The following ANKRD13C variants were observed in gnomAD, a reference collection of about 807,000 sequenced individuals.
The protein encoded by ANKRD13C is ankyrin repeat domain-containing protein 13C.
A neutral mutation model predicts 65.5 loss-of-function variants in ANKRD13C; 16 were observed. The ratio of observed to expected loss-of-function variants is 0.24; its 90% CI spans 0.17 to 0.37. The LOEUF (loss-of-function observed/expected upper bound fraction) is 0.37, where lower values mean the gene tolerates loss of function less well. ANKRD13C is among the 10% of genes least tolerant of loss of function. ANKRD13C has a pLI of 1.00. For missense variants in ANKRD13C, 503 were observed against 655.9 expected (o/e 0.77, Z 2.55); for synonymous variants, 235 against 238.7 (o/e 0.98, Z 0.14).
In ANKRD13C at chr1:70,274,487, AAAAAAAAAAG is replaced by A. The variant is rs1162195023; in HGVS notation, c.1394+223_1394+232del. Among the ~76,000 whole-genome samples the A allele has an allele frequency of 4.8e-3, 720 of 150,012 alleles. 2 individuals carry two copies. Among genetic ancestry groups the A allele is most frequent in the African/African-American group, 0.017 (678 of 40,288 alleles). Reference sequence around the variant, plus strand: ...AGACTCCATCTCAAAAAAAAAAAAAAAAAAAAAAAGAAAGAAAGAAAATCTACTCAAAAAT... The same window carrying A: ...AGACTCCATCTCAAAAAAAAAAAAAAAAAGAAAGAAAATCTACTCAAAAAT... On this transcript the variant is annotated intron_variant, in intron 11 of 12. Transcript: ENST00000370944.
intron 2 of ANKRD13C, among the ~76,000 whole-genome samples, chr1:70,328,606 G>C (rs1016597985): frequency 1.3e-5 from 2 of 152,162 alleles, no homozygotes; most frequent in African/African-American, 4.8e-5. Flanking sequence ...AGGTTGCAGT[G>C]AGCCGAGACA....
chr1:70,323,419 C>A (rs987551621), intron 3 of ANKRD13C, among the ~76,000 whole-genome samples: 1 of 151,918 alleles, frequency 6.6e-6, no homozygotes, highest in Admixed American at 6.6e-5. Flanking sequence ...CCAAGGTGGG[C>A]GGATCACGTG....
intron 1 of ANKRD13C, among the ~76,000 whole-genome samples, chr1:70,349,676 A>G (rs1257588482): frequency 6.6e-6 from 1 of 152,184 alleles, no homozygotes; most frequent in African/African-American, 2.4e-5. Context: ...ATAGTGACCA[A>G]ATCAGGATTC....
intron 12 of ANKRD13C, 145 bp downstream of exon 12, chr1:70,270,711 C>G: frequency 1.7e-6 from 1 of 594,778 alleles, no homozygotes. Flanking sequence ...CAGCTCATCT[C>G]CTGCTGTGCA....
chr1:70,312,923 CA>C (rs1281189113), intron 5 of ANKRD13C, among the ~76,000 whole-genome samples: 1 of 151,810 alleles, frequency 6.6e-6, no homozygotes, highest in African/African-American at 2.4e-5. Flanking sequence ...AAATCTAGGG[CA>C]AAATTAGGAT....
chr1:70,281,042 T>C (rs980242692), intron 9 of ANKRD13C, among the ~76,000 whole-genome samples: 17 of 152,058 alleles, frequency 1.1e-4, no homozygotes, highest in African/African-American at 4.1e-4. Flanking sequence ...GAGATAATGG[T>C]GTTACTACCT....
At chr1:70,291,271 T>G (rs1322166604) in intron 9 of ANKRD13C, among the ~76,000 whole-genome samples, 3 of 152,162 alleles carry the variant, frequency 2.0e-5, no homozygotes, top group South Asian at 2.1e-4. Flanking sequence ...TCCGCCCACC[T>G]TGGCCTCCCA....
At chr1:70,304,723 C>A (rs900927801) in intron 6 of ANKRD13C, among the ~76,000 whole-genome samples, 3 of 152,166 alleles carry the variant, frequency 2.0e-5, no homozygotes, top group African/African-American at 7.2e-5. Flanking sequence ...TAAACTATCA[C>A]ATGGAAGATA....
intron 3 of ANKRD13C, among the ~76,000 whole-genome samples, chr1:70,323,916 G>T (rs1434354947): frequency 6.6e-6 from 1 of 151,730 alleles, no homozygotes; most frequent in Non-Finnish European, 1.5e-5. Flanking sequence ...AGTAGAGACG[G>T]GGTTTCACCA....
chr1:70,259,432 G>GA lies in ANKRD13C; in HGVS notation c.*3284dup, dbSNP rs1259438302. Among the ~76,000 whole-genome samples, 1 of 152,130 alleles carries GA rather than the reference G, an allele frequency of 6.6e-6. No individual in the cohort carries two copies. Among genetic ancestry groups the GA allele is most frequent in the Non-Finnish European group, 1.5e-5 (1 of 68,016 alleles). ...ATGTACCATAGGTACCATTATGACT[G>GA]AAAGTATTACTCTTCTAAAATGAAC... is the stretch of plus-strand genomic sequence containing the variant. On this transcript the variant is annotated 3_prime_UTR_variant, in exon 13 of 13. Coordinates refer to ENST00000370944, the MANE Select transcript of ANKRD13C (RefSeq NM_030816.5).
chr1:70,269,961 T>C (rs1277082850), intron 12 of ANKRD13C, among the ~76,000 whole-genome samples: 1 of 152,212 alleles, frequency 6.6e-6, no homozygotes, highest in Non-Finnish European at 1.5e-5. Flanking sequence ...GAAGCTTGAA[T>C]TAATGCTAAA....
Position 70,262,916 on chromosome 1 carries a change from T to C in ANKRD13C, c.1496-69A>G, listed in dbSNP as rs182557590. ...AATATTCATAGACTACAAAGTACTATTGGAGATGTCCATACTCCTTAAAAT... is the reference window on the plus strand; with the variant it reads ...AATATTCATAGACTACAAAGTACTACTGGAGATGTCCATACTCCTTAAAAT... On this transcript the variant is annotated intron_variant, in intron 12 of 12. Coordinates refer to ENST00000370944, the MANE Select transcript of ANKRD13C (RefSeq NM_030816.5). The C allele has an allele frequency of 4.4e-4, 558 of 1,280,140 alleles. 2 individuals are homozygous for C. In the African/African-American group the frequency reaches 7.8e-3, roughly 18 times the overall value. 79.3% of individuals were successfully genotyped at this position (1,280,140 alleles called of 1,614,324 possible). A position where few individuals can be genotyped will look rare whatever the true frequency, so the allele number is the denominator to read the frequency against.
intron 2 of ANKRD13C, among the ~76,000 whole-genome samples, chr1:70,325,489 T>C (rs947902634): frequency 7.2e-5 from 11 of 152,346 alleles, no homozygotes; most frequent in African/African-American, 2.2e-4. Context: ...ACTCGGCTTA[T>C]GATACAACGA....
At position 70,259,357 on chromosome 1, in the gene ANKRD13C, A is replaced by C. The variant is rs1226406756; in HGVS notation, c.*3360T>G. 6.6e-6 allele frequency among the ~76,000 whole-genome samples: 1 copy of C among 152,178 alleles called. No homozygotes were observed. Among genetic ancestry groups the C allele is most frequent in the Non-Finnish European group, 1.5e-5 (1 of 68,034 alleles). On this transcript the variant is annotated 3_prime_UTR_variant, in exon 13 of 13. Transcript: ENST00000370944. ...AGCACCTTTCTTAGAAGTTCTTAAG[A>C]TTTTGCTTCAATATTTTTCAGTGTG...
At chr1:70,335,984 A>G in intron 2 of ANKRD13C, 74 bp downstream of exon 2, 1 of 463,196 alleles carries the variant, frequency 2.2e-6, no homozygotes. Flanking sequence ...TCAAAAGACA[A>G]AACTGATCTT....
At chr1:70,348,211 A>G (rs749315903) in intron 1 of ANKRD13C, among the ~76,000 whole-genome samples, 2 of 152,218 alleles carry the variant, frequency 1.3e-5, no homozygotes, top group Non-Finnish European at 2.9e-5. Flanking sequence ...AGATTTATAC[A>G]GAATAAACCA....
At chr1:70,352,561 T>C (rs1043635107) in intron 1 of ANKRD13C, among the ~76,000 whole-genome samples, 14 of 152,126 alleles carry the variant, frequency 9.2e-5, no homozygotes, top group African/African-American at 3.4e-4. Context: ...CTCAAACCTT[T>C]TATCTGTTTC....
chr1:70,319,989 G>A (rs998611306), intron 3 of ANKRD13C, among the ~76,000 whole-genome samples: 1 of 152,070 alleles, frequency 6.6e-6, no homozygotes, highest in Non-Finnish European at 1.5e-5. Context: ...CTGCCTAAAG[G>A]GAATGGGCAG....
At chr1:70,325,790 A>G (rs1396458541) in intron 2 of ANKRD13C, among the ~76,000 whole-genome samples, 1 of 152,188 alleles carries the variant, frequency 6.6e-6, no homozygotes, top group Non-Finnish European at 1.5e-5. Context: ...GAGGCAGGAG[A>G]ATCGCTTGAA....
Sources: allele counts gnomAD v4.1 joint callset (sites outside exome capture counted in the v4.1 genomes callset), GRCh38; gene constraint gnomAD v4.1.1; transcripts MANE v1.5; gene names NCBI Gene and HGNC (gene_info 2026-07-23, HGNC 2026-07-21).